WNT7A: variants seen among roughly 807,000 people sequenced by gnomAD.
WNT7A encodes the protein Wnt family member 7A.
A neutral mutation model predicts 28.2 loss-of-function variants in WNT7A; 16 were observed. The observed-to-expected ratio is 0.57, with a 90% CI of 0.38 to 0.86. WNT7A has a LOEUF of 0.86. Ranked by LOEUF, WNT7A falls within the 40% of genes least tolerant of loss-of-function variation. The probability of loss-of-function intolerance (pLI) is 0.00; values close to 1 mark genes in which losing one functional copy is unlikely to be tolerated. For missense variants in WNT7A, 411 were observed against 489.7 expected, an observed-to-expected ratio of 0.84 and a Z score of 1.52; for synonymous variants, 190 against 195.9, an observed-to-expected ratio of 0.97 and a Z score of 0.25.
Position 13,840,757 on chromosome 3 carries a change from T to C in WNT7A, c.570+13775A>G, listed in dbSNP as rs183273933. 1.4e-3 allele frequency among the ~76,000 whole-genome samples: 220 copies of C among 152,100 alleles called. 1 individual carries two copies. The highest frequency in any genetic ancestry group is 6.0e-4 in the Non-Finnish European group (41 of 67,960). ...TTCATTCAACCAGCCTTCCCATTAC[T>C]ATCTATCTAGCAAATATCCATCCAT... On this transcript the variant is annotated intron_variant, in intron 3 of 3. Coordinates refer to ENST00000285018, the MANE Select transcript of WNT7A (RefSeq NM_004625.4).
chr3:13,879,547 G>A (rs1250504456), intron 1 of WNT7A, among the ~76,000 whole-genome samples, 199 bp downstream of exon 1: 2 of 152,178 alleles, frequency 1.3e-5, no homozygotes, highest in Non-Finnish European at 2.9e-5. Context: ...TCCTCAGGAT[G>A]GCCAGTCCCC....
At chr3:13,819,899 G>A (rs1694082670) in intron 3 of WNT7A, among the ~76,000 whole-genome samples, 1 of 152,196 alleles carries the variant, frequency 6.6e-6, no homozygotes, top group Non-Finnish European at 1.5e-5. Flanking sequence ...GTTGGGCCAT[G>A]AGCCATATTT....
intron 3 of WNT7A, among the ~76,000 whole-genome samples, chr3:13,853,995 G>A (rs1694683657): frequency 6.6e-6 from 1 of 152,120 alleles, no homozygotes. Context: ...CCCTGGGCAG[G>A]AGCTCCCAGC....
At chr3:13,820,539 T>A (rs866736403) in intron 3 of WNT7A, among the ~76,000 whole-genome samples, 2 of 152,186 alleles carry the variant, frequency 1.3e-5, no homozygotes, top group Non-Finnish European at 2.9e-5. Flanking sequence ...ATGCTTCTTC[T>A]CCAGGTCTCA....
chr3:13,869,782 C>A (rs768283240), intron 2 of WNT7A, among the ~76,000 whole-genome samples: 2 of 152,080 alleles, frequency 1.3e-5, no homozygotes, highest in African/African-American at 2.4e-5. Flanking sequence ...TTCTTAGACA[C>A]CCCCCGCCCA....
At chr3:13,861,560 TG>T (rs1376273860) in intron 2 of WNT7A, among the ~76,000 whole-genome samples, 1 of 152,140 alleles carries the variant, frequency 6.6e-6, no homozygotes, top group Non-Finnish European at 1.5e-5. Flanking sequence ...TGGGGATATC[TG>T]GGGTGGTGCC....
At chr3:13,868,609 A>G (rs1694954134) in intron 2 of WNT7A, among the ~76,000 whole-genome samples, 1 of 11,598 alleles carries the variant, frequency 8.6e-5, no homozygotes, top group Admixed American at 8.1e-4. Context: ...AAAGAAAGAA[A>G]GAGAGAGAGA....
intron 3 of WNT7A, among the ~76,000 whole-genome samples, chr3:13,850,343 G>T (rs533742401): frequency 7.9e-5 from 12 of 152,196 alleles, no homozygotes; most frequent in Non-Finnish European, 1.3e-4. Context: ...TCTGGGCTCC[G>T]CCCCAGCTGC....
intron 2 of WNT7A, among the ~76,000 whole-genome samples, chr3:13,873,468 A>G (rs1695056065): frequency 6.6e-6 from 1 of 152,122 alleles, no homozygotes; most frequent in Admixed American, 6.5e-5. Flanking sequence ...ATGCACCTGC[A>G]GGACCCCATA....
intron 3 of WNT7A, among the ~76,000 whole-genome samples, chr3:13,835,412 G>A (rs11711182): frequency 0.16 from 24,940 of 152,260 alleles, 2,868 homozygotes; most frequent in East Asian, 0.55. Context: ...GGGCAAAACC[G>A]CTGTGAACCC....
chr3:13,836,284 C>T (rs1236572301), intron 3 of WNT7A, among the ~76,000 whole-genome samples: 1 of 151,986 alleles, frequency 6.6e-6, no homozygotes, highest in Non-Finnish European at 1.5e-5. Context: ...GCTGCTCGTG[C>T]AATGACAGGG....
Position 13,854,887 on chromosome 3 carries a change from C to T in WNT7A, c.299-84G>A, listed in dbSNP as rs1694705389. ...GGCTGGGCCTGACTGAAGAGTGAGG[C>T]TGAGCTCAATGCAATGGCTCTCCAA... is the stretch of plus-strand genomic sequence containing the variant. On this transcript the variant is annotated intron_variant, in intron 2 of 3. Transcript: ENST00000285018. 3 of 1,575,608 alleles carry T rather than the reference C, an allele frequency of 1.9e-6. No homozygotes were observed. In the African/African-American group the frequency reaches 4.0e-5, roughly 21 times the overall value.
At chr3:13,825,884 A>G (rs1233111628) in intron 3 of WNT7A, among the ~76,000 whole-genome samples, 4 of 152,262 alleles carry the variant, frequency 2.6e-5, no homozygotes, top group Admixed American at 2.0e-4. Context: ...CAGATCCCCA[A>G]TAAATAGCTG....
intron 3 of WNT7A, among the ~76,000 whole-genome samples, chr3:13,823,708 T>C (rs1228474167): frequency 1.3e-5 from 2 of 152,198 alleles, no homozygotes; most frequent in African/African-American, 4.8e-5. Context: ...TGCTGAGATA[T>C]CACAATATAT....
chr3:13,874,347 G>A (rs946765377), intron 2 of WNT7A, among the ~76,000 whole-genome samples: 1 of 152,188 alleles, frequency 6.6e-6, no homozygotes, highest in Non-Finnish European at 1.5e-5. Flanking sequence ...GAAGTCAAAT[G>A]TGTGGCTCAA....
At chr3:13,868,331 C>T (rs963996532) in intron 2 of WNT7A, among the ~76,000 whole-genome samples, 2 of 151,716 alleles carry the variant, frequency 1.3e-5, no homozygotes, top group Non-Finnish European at 2.9e-5. Context: ...CTCTATAAGA[C>T]AACAGAAAAG....
intron 3 of WNT7A, among the ~76,000 whole-genome samples, chr3:13,830,737 A>G (rs1172855197): frequency 2.0e-5 from 3 of 152,082 alleles, no homozygotes; most frequent in Non-Finnish European, 2.9e-5. Flanking sequence ...CACTTTCTCT[A>G]CTAACACTGC....
At chr3:13,873,588 A>C (rs376641895) in intron 2 of WNT7A, among the ~76,000 whole-genome samples, 21 of 152,118 alleles carry the variant, frequency 1.4e-4, no homozygotes, top group Middle Eastern at 3.2e-3. Context: ...TTCCTTCCAA[A>C]AGGCAAGGGG....
Position 13,874,943 on chromosome 3 carries a change from A to AT in WNT7A, c.298+3dup. ...TCTGCGGGGGTGTTTGGGTGAGCACATACCCACTTTGAGCTCCTTCCCGAA... is the reference window on the plus strand; with the variant it reads ...TCTGCGGGGGTGTTTGGGTGAGCACATTACCCACTTTGAGCTCCTTCCCGAA... On this transcript the variant is annotated splice_donor_region_variant and intron_variant, in intron 2 of 3. Transcript: ENST00000285018. The AT allele has an allele frequency of 6.2e-7, 1 of 1,613,806 alleles. No individual in the cohort carries two copies. Among genetic ancestry groups the AT allele is most frequent in the Non-Finnish European group, 8.5e-7 (1 of 1,179,942 alleles).
Sources: allele counts gnomAD v4.1 joint callset (sites outside exome capture counted in the v4.1 genomes callset), GRCh38; gene constraint gnomAD v4.1.1; transcripts MANE v1.5; gene names NCBI Gene and HGNC (gene_info 2026-07-23, HGNC 2026-07-21).